The following MECOM variants were observed in gnomAD, a reference collection of about 807,000 sequenced individuals.
MECOM encodes the protein MDS1 and EVI1 complex locus, also known as histone-lysine N-methyltransferase MECOM.
Under a neutral mutation model 116.3 loss-of-function variants are expected in MECOM, and 13 were observed. That is an observed-to-expected ratio of 0.11 (90% CI 0.07 to 0.18). MECOM has a LOEUF of 0.18. Among genes scored for constraint, MECOM ranks in the 10% least tolerant of loss-of-function variants. The pLI is 1.00. For synonymous variants in MECOM, 528 were observed against 535.2 expected (o/e 0.99, Z 0.19); for missense variants, 1,299 against 1,509.0 (o/e 0.86, Z 2.31).
intron 1 of MECOM, among the ~76,000 whole-genome samples, chr3:169,582,178 G>A (rs183071682): frequency 1.2e-4 from 18 of 152,202 alleles, no homozygotes; most frequent in Admixed American, 5.9e-4. Flanking sequence ...TAAGCGTTTC[G>A]TCAGAGAGCT....
chr3:169,320,648 A>T (rs1720692893), intron 2 of MECOM, among the ~76,000 whole-genome samples: 1 of 152,238 alleles, frequency 6.6e-6, no homozygotes, highest in African/African-American at 2.4e-5. Flanking sequence ...ATTTTCAAGA[A>T]AACGTCCTAG....
chr3:169,492,002 T>C (rs754656111), intron 1 of MECOM, among the ~76,000 whole-genome samples: 1 of 152,146 alleles, frequency 6.6e-6, no homozygotes, highest in Non-Finnish European at 1.5e-5. Flanking sequence ...AGAAAACACT[T>C]TTATCTGGGA....
At position 169,279,217 on chromosome 3, in the gene MECOM, A is replaced by G. The variant is rs1017136791; in HGVS notation, c.375+101970T>C. 2.3e-4 allele frequency among the ~76,000 whole-genome samples: 35 copies of G among 152,126 alleles called. 1 individual carries two copies. The highest frequency in any genetic ancestry group is 1.0e-4 in the Non-Finnish European group (7 of 68,014). On this transcript the variant is annotated intron_variant, in intron 2 of 16. Coordinates refer to ENST00000651503, the MANE Select transcript of MECOM (RefSeq NM_004991.4). ...ATAAACCAGGATCTTCACAACTTAGAATTGGTTTAGGGCTCCTGACCCCAA... is the reference window on the plus strand; with the variant it reads ...ATAAACCAGGATCTTCACAACTTAGGATTGGTTTAGGGCTCCTGACCCCAA...
At chr3:169,113,192 G>A (rs975172991) in intron 8 of MECOM, among the ~76,000 whole-genome samples, 3 of 152,026 alleles carry the variant, frequency 2.0e-5, no homozygotes, top group South Asian at 2.1e-4. Context: ...CATTCCAAAT[G>A]TAGACAAGAA....
chr3:169,562,172 GAAAGA>G (rs1290103018), intron 1 of MECOM, among the ~76,000 whole-genome samples: 1 of 86,958 alleles, frequency 1.1e-5, no homozygotes, highest in African/African-American at 4.4e-5. Context: ...AGGAAAGAAA[GAAAGA>G]AAAAAAAAAG....
At chr3:169,460,339 T>A (rs979124559) in intron 1 of MECOM, among the ~76,000 whole-genome samples, 2 of 152,238 alleles carry the variant, frequency 1.3e-5, no homozygotes, top group South Asian at 4.1e-4. Flanking sequence ...TCTTAAAAAG[T>A]CAGTTTGGAT....
chr3:169,401,883 A>C (rs1042102354), intron 1 of MECOM, among the ~76,000 whole-genome samples: 1 of 152,216 alleles, frequency 6.6e-6, no homozygotes, highest in Admixed American at 6.5e-5. Flanking sequence ...AAACAATCAA[A>C]GGATTCATGC....
chr3:169,505,516 T>C (rs759891689), intron 1 of MECOM, among the ~76,000 whole-genome samples: 2 of 152,216 alleles, frequency 1.3e-5, no homozygotes, highest in African/African-American at 2.4e-5. Context: ...TTGACATATA[T>C]AATCACCTAA....
At chr3:169,520,872 C>T (rs964272067) in intron 1 of MECOM, among the ~76,000 whole-genome samples, 2 of 152,146 alleles carry the variant, frequency 1.3e-5, no homozygotes, top group Admixed American at 6.5e-5. Flanking sequence ...TCTGCACCCA[C>T]CCCAATTGCA....
intron 1 of MECOM, among the ~76,000 whole-genome samples, chr3:169,662,550 C>A (rs896398811): frequency 3.3e-5 from 5 of 152,158 alleles, no homozygotes; most frequent in Non-Finnish European, 5.9e-5. Flanking sequence ...TGTGCGGAGC[C>A]GGTAGCTCTG....
intron 1 of MECOM, among the ~76,000 whole-genome samples, chr3:169,448,309 T>C (rs111731126): frequency 2.0e-5 from 3 of 152,292 alleles, no homozygotes; most frequent in South Asian, 2.1e-4. Context: ...TAAGAAGATA[T>C]AGAACTAACT....
intron 2 of MECOM, among the ~76,000 whole-genome samples, chr3:169,352,468 G>A (rs1041040908): frequency 1.3e-5 from 2 of 151,772 alleles, no homozygotes; most frequent in African/African-American, 4.8e-5. Context: ...TAACTGTGGA[G>A]TTGTCTAACG....
chr3:169,577,690 T>C (rs1764679674), intron 1 of MECOM, among the ~76,000 whole-genome samples: 1 of 152,168 alleles, frequency 6.6e-6, no homozygotes. Flanking sequence ...GGATTCAGAA[T>C]CTTCTTTGAA....
chr3:169,619,266 A>C (rs1560500683), intron 1 of MECOM, among the ~76,000 whole-genome samples: 1 of 152,212 alleles, frequency 6.6e-6, no homozygotes, highest in African/African-American at 2.4e-5. Flanking sequence ...CTGTGCTGAG[A>C]AGGCCGAGGA....
intron 2 of MECOM, among the ~76,000 whole-genome samples, chr3:169,272,578 C>A (rs1052861390): frequency 1.3e-5 from 2 of 151,990 alleles, no homozygotes; most frequent in African/African-American, 4.8e-5. Context: ...ATCTTTAAAA[C>A]GTTTTCTGAC....
At chr3:169,355,820 C>G (rs1727178166) in intron 2 of MECOM, among the ~76,000 whole-genome samples, 1 of 151,626 alleles carries the variant, frequency 6.6e-6, no homozygotes, top group African/African-American at 2.4e-5. Context: ...TGAAGATTCT[C>G]TAGAATATCA....
rs545120495 is a variant in MECOM, at chr3:169,382,858, A to T, written c.38-1334T>A. 5.6e-4 allele frequency among the ~76,000 whole-genome samples: 59 copies of T among 105,820 alleles called. 1 individual carries two copies. The highest frequency in any genetic ancestry group is 2.0e-3 in the South Asian group (7 of 3,480). The allele number at this position is 105,820 out of a possible 152,430, so 69.4% of individuals were successfully genotyped here. On this transcript the variant is annotated intron_variant, in intron 1 of 16. Transcript: ENST00000651503. ...GACTGAAAGCCCATCTCAAAAAAAAAAAAAAATAAAAAAAATAAAAAAAGA... is the reference window on the plus strand; with the variant it reads ...GACTGAAAGCCCATCTCAAAAAAAATAAAAAATAAAAAAAATAAAAAAAGA...
chr3:169,307,887 T>A (rs1309746907), intron 2 of MECOM, among the ~76,000 whole-genome samples: 1 of 152,190 alleles, frequency 6.6e-6, no homozygotes, highest in Admixed American at 6.5e-5. Context: ...ATCCTGCTAC[T>A]TCTCCACTCT....
At chr3:169,523,045 T>C (rs1421282195) in intron 1 of MECOM, among the ~76,000 whole-genome samples, 2 of 152,226 alleles carry the variant, frequency 1.3e-5, no homozygotes, top group Non-Finnish European at 2.9e-5. Context: ...TGTAATGTCA[T>C]CACTTTGAAA....
Sources: gnomAD v4.1 joint callset for allele counts (sites outside exome capture counted in the v4.1 genomes callset) on GRCh38, gnomAD v4.1.1 for gene constraint, MANE v1.5 for transcripts, NCBI Gene and HGNC (gene_info 2026-07-23, HGNC 2026-07-21) for gene names.